Variants in TPRG1 observed in about 807,000 individuals in gnomAD.
TPRG1 encodes tumor protein p63-regulated gene 1 protein.
Under a neutral mutation model 29.3 loss-of-function variants are expected in TPRG1, and 29 were observed. That is an observed-to-expected ratio of 0.99 (90% CI 0.74 to 1.35). The LOEUF is 1.35. Ranked by LOEUF, TPRG1 falls within the 40% of genes most tolerant of loss-of-function variation. The pLI is 0.00. For synonymous variants in TPRG1, 130 were observed against 116.8 expected, an observed-to-expected ratio of 1.11 and a Z score of -0.73; for missense variants, 327 against 335.0, an observed-to-expected ratio of 0.98 and a Z score of 0.19.
chr3:189,211,008 A>G (rs73184447), intron 2 of TPRG1, among the ~76,000 whole-genome samples: 30,049 of 152,124 alleles, frequency 0.2, 2,999 homozygotes, highest in Middle Eastern at 0.26. Flanking sequence ...AAATGTAAAT[A>G]AGCAAAGTAA....
chr3:189,193,802 G>A (rs1732110776), intron 1 of TPRG1, among the ~76,000 whole-genome samples: 1 of 150,558 alleles, frequency 6.6e-6, no homozygotes, highest in African/African-American at 2.5e-5. Flanking sequence ...TTCATACCAT[G>A]AGTTGGTTTC....
intron 4 of TPRG1, among the ~76,000 whole-genome samples, chr3:189,283,439 A>G (rs1330033805): frequency 6.6e-6 from 1 of 152,232 alleles, no homozygotes. Context: ...ATTAAGAAAC[A>G]AACAAGATTT....
At chr3:189,111,651 T>C (rs1391968012) in intron 1 of TPRG1, among the ~76,000 whole-genome samples, 2 of 152,286 alleles carry the variant, frequency 1.3e-5, no homozygotes, top group East Asian at 3.9e-4. Flanking sequence ...CATTTCAGGA[T>C]GTAACTTCAT....
intron 5 of TPRG1, among the ~76,000 whole-genome samples, chr3:189,159,088 G>A (rs905388280): frequency 2.0e-5 from 3 of 152,154 alleles, no homozygotes; most frequent in Non-Finnish European, 4.4e-5. Flanking sequence ...ATGAAGATGT[G>A]CTCCTCTCAC....
intron 3 of TPRG1, among the ~76,000 whole-genome samples, chr3:189,014,897 T>C (rs1293959299): frequency 6.6e-6 from 1 of 152,158 alleles, no homozygotes; most frequent in Non-Finnish European, 1.5e-5. Flanking sequence ...GAAAATGGAA[T>C]ACTACAGAAA....
intron 4 of TPRG1, among the ~76,000 whole-genome samples, chr3:189,262,578 T>A (rs1312171937): frequency 6.6e-6 from 1 of 152,142 alleles, no homozygotes; most frequent in Non-Finnish European, 1.5e-5. Context: ...CATGAAATAA[T>A]CATGTCTGAT....
At chr3:189,033,927 A>G (rs1714099747) in intron 4 of TPRG1, among the ~76,000 whole-genome samples, 1 of 152,258 alleles carries the variant, frequency 6.6e-6, no homozygotes, top group Non-Finnish European at 1.5e-5. Flanking sequence ...GCCATAGATT[A>G]TTAATGATAC....
intron 4 of TPRG1, among the ~76,000 whole-genome samples, chr3:189,251,070 TC>T (rs1227062651): frequency 6.6e-6 from 1 of 151,984 alleles, no homozygotes; most frequent in African/African-American, 2.4e-5. Context: ...CCTCTTCTCT[TC>T]CCTCCCTCTT....
intron 5 of TPRG1, among the ~76,000 whole-genome samples, chr3:189,317,710 A>G (rs1723763408): frequency 6.6e-6 from 1 of 152,188 alleles, no homozygotes; most frequent in African/African-American, 2.4e-5. Context: ...CATGGGGGAC[A>G]TATGACAATG....
At chr3:189,018,928 C>T (rs1402802968) in intron 3 of TPRG1, among the ~76,000 whole-genome samples, 1 of 151,740 alleles carries the variant, frequency 6.6e-6, no homozygotes, top group Non-Finnish European at 1.5e-5. Flanking sequence ...TTGTAGTTCT[C>T]CTTGAAGAGG....
intron 1 of TPRG1, among the ~76,000 whole-genome samples, chr3:189,206,807 C>CTG (rs1560551111): frequency 3.3e-5 from 2 of 60,590 alleles, no homozygotes; most frequent in African/African-American, 2.0e-4. Flanking sequence ...AGCTGAACAA[C>CTG]CGTGTGTGTG....
chr3:189,004,712 T>C (rs1712197484), exon 3 of TPRG1: 1 of 152,134 alleles, frequency 6.6e-6, no homozygotes, highest in Non-Finnish European at 1.5e-5. Context: ...TTTCTAGCAA[T>C]TACTTCCTCC....
intron 4 of TPRG1, among the ~76,000 whole-genome samples, chr3:189,271,510 T>A (rs1715126724): frequency 6.6e-6 from 1 of 152,216 alleles, no homozygotes; most frequent in African/African-American, 2.4e-5. Flanking sequence ...TTCAGACAAA[T>A]CTTGATAAAT....
At chr3:189,272,748 CTTCG>C (rs1203004867) in intron 4 of TPRG1, among the ~76,000 whole-genome samples, 11 of 136,282 alleles carry the variant, frequency 8.1e-5, no homozygotes, top group South Asian at 2.2e-4. Flanking sequence ...TCCTTCCTTC[CTTCG>C]TTCCTTCCTT....
At chr3:189,061,932 C>T (rs1021467288) in intron 4 of TPRG1, among the ~76,000 whole-genome samples, 1 of 152,178 alleles carries the variant, frequency 6.6e-6, no homozygotes, top group Admixed American at 6.5e-5. Context: ...AATCCCATTA[C>T]TGGGTATACA....
At chr3:189,025,843 T>A (rs1264348438) in intron 4 of TPRG1, among the ~76,000 whole-genome samples, 1 of 152,166 alleles carries the variant, frequency 6.6e-6, no homozygotes, top group African/African-American at 2.4e-5. Flanking sequence ...AATAATAACT[T>A]CATGTTGAAC....
chr3:189,210,194 G>A (rs544587441), intron 2 of TPRG1, among the ~76,000 whole-genome samples: 13 of 152,130 alleles, frequency 8.5e-5, no homozygotes, highest in South Asian at 2.1e-4. Flanking sequence ...TAGATAAAAC[G>A]CCATTTTTAT....
chr3:189,140,332 T>C (rs1229659008), intron 3 of TPRG1, among the ~76,000 whole-genome samples: 1 of 152,204 alleles, frequency 6.6e-6, no homozygotes, highest in Non-Finnish European at 1.5e-5. Context: ...GCTTGGTGAC[T>C]TTGGGCACAT....
chr3:189,007,199 A>G (rs2152122077), intron 3 of TPRG1, among the ~76,000 whole-genome samples: 1 of 152,224 alleles, frequency 6.6e-6, no homozygotes, highest in Middle Eastern at 3.4e-3. Context: ...CAAATTTACA[A>G]GAAAAAAACA....
Sources: allele counts gnomAD v4.1 joint callset (sites outside exome capture counted in the v4.1 genomes callset), GRCh38; gene constraint gnomAD v4.1.1; transcripts MANE v1.5; gene names NCBI Gene and HGNC (gene_info 2026-07-23, HGNC 2026-07-21).